ROR1: variants seen among roughly 807,000 people sequenced by gnomAD.
ROR1 encodes inactive tyrosine-protein kinase transmembrane receptor ROR1.
ROR1 carries 19 observed loss-of-function variants against 78.8 expected under a neutral mutation model. The ratio of observed to expected loss-of-function variants is 0.24; its 90% confidence interval spans 0.17 to 0.35. The LOEUF (loss-of-function observed/expected upper bound fraction) is 0.35, where lower values mean the gene tolerates loss of function less well. Ranked by LOEUF, ROR1 falls within the 10% of genes least tolerant of loss-of-function variation. ROR1 has a pLI of 1.00. For synonymous variants in ROR1, 386 were observed against 433.6 expected, an observed-to-expected ratio of 0.89 and a Z score of 1.36; for missense variants, 917 against 1,177.8, an observed-to-expected ratio of 0.78 and a Z score of 3.24.
At chr1:64,169,838 G>C (rs1269286373) in intron 8 of ROR1, among the ~76,000 whole-genome samples, 1 of 152,214 alleles carries the variant, frequency 6.6e-6, no homozygotes, top group African/African-American at 2.4e-5. Context: ...AAAAAACAAA[G>C]GGGCTACAGG....
At chr1:63,791,478 G>A (rs545813121) in intron 1 of ROR1, among the ~76,000 whole-genome samples, 25 of 152,292 alleles carry the variant, frequency 1.6e-4, no homozygotes, top group Admixed American at 6.5e-4. Flanking sequence ...TGTGCTGCCT[G>A]TAATGTTGAT....
intron 4 of ROR1, among the ~76,000 whole-genome samples, chr1:64,077,871 A>T (rs1038883289): frequency 6.6e-6 from 1 of 152,246 alleles, no homozygotes; most frequent in African/African-American, 2.4e-5. Context: ...CCTTATGTTG[A>T]TGCAGTCATT....
chr1:64,096,660 T>A (rs1213242125), intron 4 of ROR1, among the ~76,000 whole-genome samples: 2 of 152,158 alleles, frequency 1.3e-5, no homozygotes, highest in African/African-American at 2.4e-5. Flanking sequence ...GGTATTTGGG[T>A]TGATTCCATG....
intron 1 of ROR1, among the ~76,000 whole-genome samples, chr1:63,817,076 G>A (rs550703943): frequency 5.3e-5 from 8 of 152,224 alleles, no homozygotes; most frequent in Non-Finnish European, 1.0e-4. Flanking sequence ...TAAGAGGAAA[G>A]CTTTAATGTT....
At chr1:64,019,731 G>T (rs181012604) in intron 2 of ROR1, among the ~76,000 whole-genome samples, 2 of 152,126 alleles carry the variant, frequency 1.3e-5, no homozygotes, top group African/African-American at 4.8e-5. Context: ...CTGAGATACT[G>T]TGACAGATTT....
At chr1:64,049,353 C>T (rs1239709594) in intron 2 of ROR1, among the ~76,000 whole-genome samples, 1 of 151,986 alleles carries the variant, frequency 6.6e-6, no homozygotes, top group Non-Finnish European at 1.5e-5. Context: ...TTGAGGTGAA[C>T]TTTATTTTCT....
rs1241985547 is a variant in ROR1, at chr1:63,784,874, A to T, written c.91+10366A>T. ...TTCTTCCTTTAAGATTTTTCACAGGATGGGATGGGGCAAAATTGCTAGTTC... is the reference window on the plus strand; with the variant it reads ...TTCTTCCTTTAAGATTTTTCACAGGTTGGGATGGGGCAAAATTGCTAGTTC... On this transcript the variant is annotated intron_variant, in intron 1 of 8. Coordinates refer to ENST00000371079, the MANE Select transcript of ROR1 (RefSeq NM_005012.4). Among the ~76,000 whole-genome samples, 12 of 152,304 alleles carry T rather than the reference A, an allele frequency of 7.9e-5. No individual in the cohort carries two copies. In the East Asian group the frequency reaches 9.6e-4, roughly 12 times the overall value.
intron 1 of ROR1, among the ~76,000 whole-genome samples, chr1:64,001,473 A>C (rs1181669972): frequency 6.6e-6 from 1 of 152,212 alleles, no homozygotes; most frequent in Non-Finnish European, 1.5e-5. Flanking sequence ...AGAACTATAT[A>C]TACATATTTT....
At chr1:64,072,617 A>G (rs186874379) in intron 4 of ROR1, among the ~76,000 whole-genome samples, 30 of 152,332 alleles carry the variant, frequency 2.0e-4, no homozygotes, top group Non-Finnish European at 3.4e-4. Flanking sequence ...TTGTTGACAG[A>G]AACCACGCTA....
At chr1:63,928,519 A>G (rs1433550996) in intron 1 of ROR1, among the ~76,000 whole-genome samples, 2 of 152,228 alleles carry the variant, frequency 1.3e-5, no homozygotes, top group Non-Finnish European at 2.9e-5. Context: ...AGATATGCCC[A>G]GTATCCCACA....
intron 1 of ROR1, among the ~76,000 whole-genome samples, chr1:63,785,189 TA>T (rs1411716473): frequency 2.6e-5 from 4 of 152,264 alleles, no homozygotes; most frequent in African/African-American, 9.6e-5. Flanking sequence ...AGAGAGATTA[TA>T]GCCTTGCTTC....
intron 1 of ROR1, among the ~76,000 whole-genome samples, chr1:63,927,548 T>A (rs1156557480): frequency 2.8e-5 from 2 of 70,658 alleles, no homozygotes; most frequent in African/African-American, 4.3e-5. Context: ...GAGGATTCCC[T>A]CTTTTTCTTA....
At chr1:63,897,129 T>C (rs927660803) in intron 1 of ROR1, among the ~76,000 whole-genome samples, 3 of 152,250 alleles carry the variant, frequency 2.0e-5, no homozygotes, top group African/African-American at 7.2e-5. Context: ...CTTTGGCCCT[T>C]TCACGTATTC....
intron 1 of ROR1, among the ~76,000 whole-genome samples, chr1:63,929,032 G>T (rs576552541): frequency 2.6e-5 from 4 of 152,186 alleles, no homozygotes; most frequent in Non-Finnish European, 4.4e-5. Context: ...TTAAAGAGCC[G>T]TTACAGTTTA....
intron 1 of ROR1, among the ~76,000 whole-genome samples, chr1:63,858,664 G>A (rs1205240161): frequency 6.6e-6 from 1 of 152,132 alleles, no homozygotes; most frequent in Non-Finnish European, 1.5e-5. Context: ...GTCTTGTTTA[G>A]ATGAGGGTAT....
intron 4 of ROR1, among the ~76,000 whole-genome samples, chr1:64,118,705 T>C (rs1557661049): frequency 7.0e-6 from 1 of 142,722 alleles, no homozygotes; most frequent in Non-Finnish European, 1.5e-5. Context: ...GATGCTCAGA[T>C]CAAGGGGAAA....
intron 8 of ROR1, among the ~76,000 whole-genome samples, chr1:64,168,666 A>T (rs1052535426): frequency 3.3e-5 from 5 of 152,240 alleles, no homozygotes; most frequent in African/African-American, 1.2e-4. Context: ...ACAAGTAGTC[A>T]TGTAGTATAT....
chr1:63,988,909 AC>A (rs1168290782), intron 1 of ROR1, among the ~76,000 whole-genome samples: 1 of 150,856 alleles, frequency 6.6e-6, no homozygotes, highest in Non-Finnish European at 1.5e-5. Flanking sequence ...GGTTGCTTCT[AC>A]CTTTTGGTTG....
intron 8 of ROR1, among the ~76,000 whole-genome samples, chr1:64,166,266 G>A (rs544407106): frequency 1.6e-4 from 24 of 152,290 alleles, no homozygotes; most frequent in South Asian, 4.1e-4. Flanking sequence ...TTTGGTTACT[G>A]TAGCCCTGTA....
Sources: gnomAD v4.1 joint callset for allele counts (sites outside exome capture counted in the v4.1 genomes callset) on GRCh38, gnomAD v4.1.1 for gene constraint, MANE v1.5 for transcripts, NCBI Gene and HGNC (gene_info 2026-07-23, HGNC 2026-07-21) for gene names.